Variants in ACVRL1 observed in about 807,000 individuals in gnomAD.
The protein encoded by ACVRL1 is activin A receptor like type 1, also known as activin receptor type-1-like.
In ACVRL1, 20 loss-of-function variants were observed where a neutral mutation model predicts 51.9. The ratio of observed to expected loss-of-function variants is 0.39; its 90% CI spans 0.27 to 0.56. The LOEUF is 0.56. ACVRL1 is among the 20% of genes least tolerant of loss of function. The pLI, the probability that ACVRL1 is intolerant of heterozygous loss-of-function variation, is 0.67. For synonymous variants in ACVRL1, 288 were observed against 280.9 expected (o/e 1.03, Z -0.25); for missense variants, 451 against 670.3 (o/e 0.67, Z 3.61).
At chr12:51,913,026 G>A in intron 2 of ACVRL1, 73 bp from the exon 3 acceptor site, 1 of 1,561,426 alleles carries the variant, frequency 6.4e-7, no homozygotes, top group Non-Finnish European at 8.6e-7. Flanking sequence ...GGGACAGTAG[G>A]ACAGAAATGG....
rs956481764 is a variant in ACVRL1 at position 51,915,215 on chromosome 12, C to T, written c.773-10C>T. On this transcript the variant is annotated splice_polypyrimidine_tract_variant and intron_variant, in intron 6 of 9. Coordinates refer to ENST00000388922, the MANE Select transcript of ACVRL1 (RefSeq NM_000020.3). ...CCCTTGGCTGAGTCACCCAACCTTTCTGCACACAGGCTTCATCGCCTCAGA... is the reference window on the plus strand; with the variant it reads ...CCCTTGGCTGAGTCACCCAACCTTTTTGCACACAGGCTTCATCGCCTCAGA... 4.3e-6 allele frequency: 7 copies of T among 1,613,774 alleles called. No homozygotes were observed. The highest frequency in any genetic ancestry group is 5.9e-6 in the Non-Finnish European group (7 of 1,179,880).
At chr12:51,914,700 C>G in intron 6 of ACVRL1, 115 bp downstream of exon 6, 1 of 727,746 alleles carries the variant, frequency 1.4e-6, no homozygotes, top group South Asian at 4.0e-5. Context: ...AGCCCACCTG[C>G]AGCATCAACC....
At position 51,920,511 on chromosome 12, in the gene ACVRL1, T is replaced by G. The variant is rs2656315; in HGVS notation, c.1378-248T>G. Among the ~76,000 whole-genome samples, 48,329 of 151,980 alleles carry G rather than the reference T, an allele frequency of 0.32. 8,666 individuals carry two copies. Among genetic ancestry groups the G allele is most frequent in the African/African-American group, 0.49 (20,457 of 41,390 alleles). On this transcript the variant is annotated intron_variant, in intron 9 of 9. Transcript: ENST00000388922. ...TCTACTCTCTTCCTCTTCCATTTTT[T>G]ATTTTTTTGTCATCCTCTGTTCTCT...
In ACVRL1 at chr12:51,914,541, C is replaced by T. The variant is rs1940784255; in HGVS notation, c.728C>T (p.Thr243Ile). 1 of 1,613,788 alleles carries T rather than the reference C, an allele frequency of 6.2e-7. No individual in the cohort carries two copies. The highest frequency in any genetic ancestry group is 1.3e-5 in the African/African-American group (1 of 74,862). The change falls in exon 6 of 10, where the codon ACT becomes ATT. Residue 243 changes from threonine (T) to isoleucine (I), a missense_variant. Physicochemically the swap from Thr to Ile is moderately conservative, Grantham distance 89. Coordinates refer to ENST00000388922, the MANE Select transcript of ACVRL1 (RefSeq NM_000020.3). ...GATGAACAGTCCTGGTTCCGGGAGA[C>T]TGAGATCTATAACACAGTGTTGCTC... is the stretch of plus-strand genomic sequence containing the variant. The part of the protein sequence containing the change: ...SRDEQSWFRE[T>I]EIYNTVLLRH...
At chr12:51,920,730 C>G (rs776608777) in intron 9 of ACVRL1, 29 bp from the exon 10 acceptor site, 3 of 1,612,320 alleles carry the variant, frequency 1.9e-6, no homozygotes, top group Non-Finnish European at 2.5e-6. Flanking sequence ...TCTGCCTCCT[C>G]TCCTCTGCAC....
At chr12:51,908,968 G>A (rs1456033028) in intron 1 of ACVRL1, among the ~76,000 whole-genome samples, 1 of 152,096 alleles carries the variant, frequency 6.6e-6, no homozygotes, top group Non-Finnish European at 1.5e-5. Flanking sequence ...CGCTGTGAAG[G>A]GCTAATAAAT....
chr12:51,908,552 G>A (rs1314407105), intron 1 of ACVRL1, among the ~76,000 whole-genome samples: 1 of 152,170 alleles, frequency 6.6e-6, no homozygotes, highest in African/African-American at 2.4e-5. Context: ...CCGCAACCTA[G>A]TGGAAGAGGG....
chr12:51,913,801 G>A (rs1370496930), intron 4 of ACVRL1, 31 bp downstream of exon 4: 6 of 1,607,548 alleles, frequency 3.7e-6, no homozygotes, highest in Non-Finnish European at 5.1e-6. Context: ...GACACAGGGT[G>A]TAGGAGGGGC....
At position 51,920,958 on chromosome 12, in the gene ACVRL1, C is replaced by G; in HGVS notation, c.*65C>G. The G allele has an allele frequency of 6.8e-7, 1 of 1,475,914 alleles. No individual in the cohort carries two copies. Among genetic ancestry groups the G allele is most frequent in the East Asian group, 2.5e-5 (1 of 40,488 alleles). The allele number at this position is 1,475,914 out of a possible 1,614,324, so 91.4% of individuals were successfully genotyped here. A position where few individuals can be genotyped will look rare whatever the true frequency, so the allele number is the denominator to read the frequency against. Reference sequence around the variant, plus strand: ...GGGGGGTGGGGGGCAGTGGATGGTGCCCTATCTGGGTAGAGGTAGTGTGAG... The same window carrying G: ...GGGGGGTGGGGGGCAGTGGATGGTGGCCTATCTGGGTAGAGGTAGTGTGAG... On this transcript the variant is annotated 3_prime_UTR_variant, in exon 10 of 10. Coordinates refer to ENST00000388922, the MANE Select transcript of ACVRL1 (RefSeq NM_000020.3).
Position 51,915,265 on chromosome 12 carries a change from G to T in ACVRL1, c.813G>T (p.Thr271=), listed in dbSNP as rs543884349. 6.8e-6 allele frequency: 11 copies of T among 1,614,038 alleles called. No individual in the cohort carries two copies. The highest frequency in any genetic ancestry group is 9.3e-6 in the Non-Finnish European group (11 of 1,180,050). Residue 271 remains threonine, a synonymous_variant, in exon 7 of 10, where the codon ACG becomes ACT. Transcript: ENST00000388922. ...ASDMTSRNSS[T]QLWLITHYHE... is the part of the protein sequence containing the mutation. Reference sequence around the variant, plus strand: ...ACATGACCTCCCGCAACTCGAGCACGCAGCTGTGGCTCATCACGCACTACC... The same window carrying T: ...ACATGACCTCCCGCAACTCGAGCACTCAGCTGTGGCTCATCACGCACTACC...
Position 51,913,571 on chromosome 12 carries a change from C to T in ACVRL1, c.326C>T (p.Pro109Leu). The T allele has an allele frequency of 1.9e-6, 3 of 1,598,170 alleles. No individual in the cohort carries two copies. The highest frequency in any genetic ancestry group is 2.5e-6 in the Non-Finnish European group (3 of 1,179,740). The change falls in exon 4 of 10, where the codon CCT becomes CTT. Residue 109 changes from proline to leucine, a missense_variant. Physicochemically the swap from Pro to Leu is moderately conservative, Grantham distance 98. Transcript: ENST00000388922. ...CCCCCTCCCTCAGCCACCCAACCTCCTTCGGAGCAGCCGGGAACAGATGGC... is the reference window on the plus strand; with the variant it reads ...CCCCCTCCCTCAGCCACCCAACCTCTTTCGGAGCAGCCGGGAACAGATGGC... ...VSLVLEATQP[P>L]SEQPGTDGQL...
At chr12:51,920,246 C>G (rs1270014906) in intron 9 of ACVRL1, among the ~76,000 whole-genome samples, 2 of 152,190 alleles carry the variant, frequency 1.3e-5, no homozygotes, top group Non-Finnish European at 2.9e-5. Context: ...TCCCCTGGGC[C>G]CAGCCATGGC....
Position 51,915,341 on chromosome 12 carries a change from C to T in ACVRL1, c.889C>T (p.His297Tyr), listed in dbSNP as rs146877800. The change falls in exon 7 of 10, where the codon CAT becomes TAT. Residue 297 changes from histidine to tyrosine, a missense_variant. Physicochemically the swap from His to Tyr is moderately conservative, Grantham distance 83 (BLOSUM62 2). Around this residue, in one of 2 missense-constraint regions of ACVRL1, gnomAD observed 259 missense variants for 453.4 expected, o/e 0.57. Transcript: ENST00000388922. The part of the protein sequence containing the change: ...DFLQRQTLEP[H>Y]LALRLAVSAA... ...TCTGCAGAGACAGACGCTGGAGCCC[C>T]ATCTGGCTCTGAGGCTAGCTGTGTC... 7 of 1,614,066 alleles carry T rather than the reference C, an allele frequency of 4.3e-6. No individual in the cohort carries two copies. The highest frequency in any genetic ancestry group is 5.9e-6 in the Non-Finnish European group (7 of 1,180,058).
chr12:51,913,563 C>A lies in ACVRL1; in HGVS notation c.318C>A (p.Thr106=), dbSNP rs1940749382. 4 of 1,597,216 alleles carry A rather than the reference C, an allele frequency of 2.5e-6. No homozygotes were observed. The East Asian group carries it at 8.9e-5, about 36-fold the overall frequency. The change falls in exon 4 of 10, where the codon ACC becomes ACA. Residue 106 remains threonine (T), a synonymous_variant. Transcript: ENST00000388922. ...CTCAGTGTCCCCCTCCCTCAGCCACCCAACCTCCTTCGGAGCAGCCGGGAA... is the reference window on the plus strand; with the variant it reads ...CTCAGTGTCCCCCTCCCTCAGCCACACAACCTCCTTCGGAGCAGCCGGGAA... ...NHNVSLVLEA[T]QPPSEQPGTD... is the part of the protein sequence containing the mutation.
chr12:51,908,386 A>G (rs1035661329), intron 1 of ACVRL1, among the ~76,000 whole-genome samples: 5 of 152,124 alleles, frequency 3.3e-5, no homozygotes, highest in South Asian at 2.1e-4. Context: ...CACTCTCTCT[A>G]TGTATGGCCA....
At chr12:51,912,611 C>A in intron 2 of ACVRL1, 76 bp downstream of exon 2, 1 of 1,285,896 alleles carries the variant, frequency 7.8e-7, no homozygotes, top group Non-Finnish European at 1.1e-6. Flanking sequence ...TCAGCTCTGC[C>A]TGGGGCTGAA....
intron 5 of ACVRL1, 60 bp downstream of exon 5, chr12:51,914,133 G>A (rs1386179691): frequency 6.4e-7 from 1 of 1,564,740 alleles, no homozygotes; most frequent in African/African-American, 1.4e-5. Context: ...CTGGAGGGGT[G>A]AGGGAGTTTT....
At position 51,921,027 on chromosome 12, in the gene ACVRL1, C is replaced by A. The variant is rs372015557; in HGVS notation, c.*134C>A. 2.7e-6 allele frequency: 3 copies of A among 1,122,702 alleles called. No individual in the cohort carries two copies. In the East Asian group the frequency reaches 7.7e-5, roughly 29 times the overall value. The allele number at this position is 1,122,702 out of a possible 1,614,324, so 69.5% of individuals were successfully genotyped here. A position where few individuals can be genotyped will look rare whatever the true frequency, so the allele number is the denominator to read the frequency against. ...TGGGCAGCTGCGCCTGCCTGCTCGG[C>A]CCCCAGCCCACCCAGCCAAAAATAC... On this transcript the variant is annotated 3_prime_UTR_variant, in exon 10 of 10. Coordinates refer to ENST00000388922, the MANE Select transcript of ACVRL1 (RefSeq NM_000020.3).
intron 1 of ACVRL1, among the ~76,000 whole-genome samples, chr12:51,910,770 G>C (rs1940673745): frequency 6.6e-6 from 1 of 152,202 alleles, no homozygotes; most frequent in Admixed American, 6.5e-5. Context: ...GTGCTAGCCA[G>C]AGTCCTCACT....
Sources: allele counts gnomAD v4.1 joint callset (sites outside exome capture counted in the v4.1 genomes callset), GRCh38; gene constraint gnomAD v4.1.1; regional missense constraint gnomAD v4.1.1; transcripts MANE v1.5; gene names NCBI Gene and HGNC (gene_info 2026-07-23, HGNC 2026-07-21).